The following NAT2 variants were observed in gnomAD, a reference collection of about 807,000 sequenced individuals.
NAT2 encodes the protein N-acetyltransferase 2, also known as arylamine N-acetyltransferase 2.
For synonymous variants in NAT2, 137 were observed against 125.9 expected, an observed-to-expected ratio of 1.09 and a Z score of -0.59; for missense variants, 428 against 339.1, an observed-to-expected ratio of 1.26 and a Z score of -2.06.
chr8:18,393,342 G>C (rs181031065), intron 1 of NAT2, among the ~76,000 whole-genome samples: 2 of 152,070 alleles, frequency 1.3e-5, no homozygotes, highest in Non-Finnish European at 1.5e-5. Context: ...CCTTGGTTTT[G>C]AGGTGAGATC....
At chr8:18,396,741 A>G (rs980123288) in intron 1 of NAT2, among the ~76,000 whole-genome samples, 2 of 152,214 alleles carry the variant, frequency 1.3e-5, no homozygotes, top group Non-Finnish European at 2.9e-5. Flanking sequence ...GTTTCATAAA[A>G]ACAGCTAAAT....
chr8:18,391,509 A>G (rs938909049), intron 1 of NAT2, among the ~76,000 whole-genome samples, 164 bp downstream of exon 1: 1 of 151,724 alleles, frequency 6.6e-6, no homozygotes, highest in African/African-American at 2.4e-5. Flanking sequence ...AAGGGAGGTC[A>G]GACACGCCTC....
upstream of NAT2, among the ~76,000 whole-genome samples, chr8:18,390,834 A>C (rs1348994439): frequency 6.6e-6 from 1 of 152,322 alleles, no homozygotes; most frequent in East Asian, 1.9e-4. Context: ...AATGAGAGTG[A>C]GGATGAGAGA....
intron 1 of NAT2, among the ~76,000 whole-genome samples, chr8:18,391,975 C>T (rs1371151970): frequency 6.6e-6 from 1 of 152,218 alleles, no homozygotes; most frequent in African/African-American, 2.4e-5. Flanking sequence ...AACTCTTCAA[C>T]AAATTGCCAA....
At chr8:18,394,847 T>A (rs1800658010) in intron 1 of NAT2, among the ~76,000 whole-genome samples, 4 of 152,226 alleles carry the variant, frequency 2.6e-5, no homozygotes, top group Admixed American at 2.6e-4. Flanking sequence ...CTAACTGAAT[T>A]TATGCAAATA....
At chr8:18,396,597 C>CGTTGGTCAGGATGG (rs1800696500) in intron 1 of NAT2, among the ~76,000 whole-genome samples, 1 of 152,016 alleles carries the variant, frequency 6.6e-6, no homozygotes, top group Admixed American at 6.6e-5. Context: ...GGTTTCACCA[C>CGTTGGTCAGGATGG]GTTGGTCAGG....
At chr8:18,393,822 G>A (rs1800633046) in intron 1 of NAT2, among the ~76,000 whole-genome samples, 1 of 152,168 alleles carries the variant, frequency 6.6e-6, no homozygotes, top group East Asian at 1.9e-4. Flanking sequence ...GGTCTAACTT[G>A]TAAAAAATAA....
At chr8:18,391,094 A>C (rs1019491715), upstream of NAT2, among the ~76,000 whole-genome samples, 2 of 152,174 alleles carry the variant, frequency 1.3e-5, no homozygotes, top group African/African-American at 4.8e-5. Flanking sequence ...CATGGGTATC[A>C]TCAGATAATA....
intron 1 of NAT2, among the ~76,000 whole-genome samples, chr8:18,393,143 T>C (rs936183638): frequency 6.6e-6 from 1 of 152,148 alleles, no homozygotes; most frequent in East Asian, 1.9e-4. Flanking sequence ...TAAAATATTT[T>C]GATTTTCTTC....
At chr8:18,398,089 G>A (rs910041301) in intron 1 of NAT2, among the ~76,000 whole-genome samples, 6 of 152,226 alleles carry the variant, frequency 3.9e-5, no homozygotes, top group African/African-American at 1.4e-4. Flanking sequence ...TTTGTTTGGA[G>A]TGTGTATGCT....
At chr8:18,394,838 T>C (rs1175521343) in intron 1 of NAT2, among the ~76,000 whole-genome samples, 3 of 152,226 alleles carry the variant, frequency 2.0e-5, no homozygotes, top group Admixed American at 1.3e-4. Context: ...AAACAGATTC[T>C]AACTGAATTT....
chr8:18,400,304 T>TA lies in NAT2; in HGVS notation c.302dup (p.Tyr101Ter), dbSNP rs1225528067. The TA allele has an allele frequency of 6.2e-7, 1 of 1,613,678 alleles. No individual in the cohort carries two copies. Among genetic ancestry groups the TA allele is most frequent in the African/African-American group, 1.3e-5 (1 of 74,856 alleles). ...TTTTTACATCCCTCCAGTTAACAAA[T>TA]ACAGCACTGGCATGGTTCACCTTCT... Reference protein sequence around the residue: ...GYFYIPPVNKYSTGMVHLLLQ... With the variant: ...GYFYIPPVNK The change falls in exon 2 of 2, where the codon TAC (tyrosine) becomes TAAC (stop). Residue 101 changes from tyrosine to a stop codon, truncating the protein, a stop_gained and frameshift_variant. Transcript: ENST00000286479. LOFTEE classifies it low-confidence loss of function (END_TRUNC).
upstream of NAT2, among the ~76,000 whole-genome samples, chr8:18,390,442 CAA>C (rs750393234): frequency 1.8e-4 from 27 of 152,150 alleles, no homozygotes; most frequent in East Asian, 1.9e-4. Context: ...GTTCTCATGA[CAA>C]AGAGATGATA....
chr8:18,389,024 C>G (rs978092902), upstream of NAT2, among the ~76,000 whole-genome samples: 6 of 152,208 alleles, frequency 3.9e-5, no homozygotes, highest in Admixed American at 6.5e-5. Flanking sequence ...ACACCAGGAT[C>G]CTTGACTCTG....
rs144176822 is a variant in NAT2 at position 18,400,582 on chromosome 8, G to T, written c.579G>T (p.Thr193=). ...AACACCAAAAAATATACTTATTTAC[G>T]CTTGAACCTCGAACAATTGAAGATT... ...KKKHQKIYLF[T]LEPRTIEDFE... Residue 193 remains threonine, a synonymous_variant, in exon 2 of 2, where the codon ACG becomes ACT. Transcript: ENST00000286479. 1.4e-3 allele frequency: 2,229 copies of T among 1,612,926 alleles called. 1 individual carries two copies. The highest frequency in any genetic ancestry group is 1.7e-3 in the Non-Finnish European group (2,014 of 1,179,754).
intron 1 of NAT2, among the ~76,000 whole-genome samples, chr8:18,396,473 G>A (rs1800693456): frequency 6.6e-6 from 1 of 152,060 alleles, no homozygotes. Flanking sequence ...CAGCCAGGCT[G>A]GAGTGCCTGC....
chr8:18,396,526 G>C (rs1363277570), intron 1 of NAT2, among the ~76,000 whole-genome samples: 1 of 152,116 alleles, frequency 6.6e-6, no homozygotes, highest in Non-Finnish European at 1.5e-5. Context: ...CTCCTGAGTA[G>C]CTGGGATTAC....
intron 1 of NAT2, among the ~76,000 whole-genome samples, chr8:18,396,981 A>T (rs954181811): frequency 6.6e-6 from 1 of 152,192 alleles, no homozygotes; most frequent in African/African-American, 2.4e-5. Context: ...TGTAATTTAA[A>T]ATCTTAAACT....
rs774706631 is a variant in NAT2, at chr8:18,400,265, A to C, written c.262A>C (p.Met88Leu). Residue 88 changes from methionine to leucine, a missense_variant, in exon 2 of 2, where the codon ATG becomes CTG. By Grantham distance (15) the Met-to-Leu change is conservative. Coordinates refer to ENST00000286479, the MANE Select transcript of NAT2 (RefSeq NM_000015.3). ...GACCACAATCGGTTTTCAGACCACA[A>C]TGTTAGGAGGGTATTTTTACATCCC... ...ALTTIGFQTTMLGGYFYIPPV... is the reference protein window; with the variant it reads ...ALTTIGFQTTLLGGYFYIPPV... The C allele has an allele frequency of 6.2e-7, 1 of 1,613,180 alleles. No homozygotes were observed. The highest frequency in any genetic ancestry group is 1.3e-5 in the African/African-American group (1 of 74,892).
Sources: gnomAD v4.1 joint callset for allele counts (sites outside exome capture counted in the v4.1 genomes callset) on GRCh38, gnomAD v4.1.1 for gene constraint, MANE v1.5 for transcripts, NCBI Gene and HGNC (gene_info 2026-07-23, HGNC 2026-07-21) for gene names.